Variants in CHURC1 observed in about 807,000 individuals in gnomAD.
The protein encoded by CHURC1 is protein Churchill.
In CHURC1, 12 loss-of-function variants were observed where a neutral mutation model predicts 15.4. That is an observed-to-expected ratio of 0.78 (90% CI 0.50 to 1.27). CHURC1 has a LOEUF of 1.27. CHURC1 is among the 50% of genes most tolerant of loss of function. CHURC1 has a pLI of 0.00. For synonymous variants in CHURC1, 42 were observed against 47.5 expected (o/e 0.88, Z 0.48); for missense variants, 132 against 137.8 (o/e 0.96, Z 0.21).
intron 1 of CHURC1, among the ~76,000 whole-genome samples, chr14:64,915,224 CTGGGATCAAGT>C (rs1426189386): frequency 6.6e-5 from 10 of 152,236 alleles, no homozygotes; most frequent in African/African-American, 1.9e-4. Context: ...TCTCAAATTC[CTGGGATCAAGT>C]GATCCTCCCG....
At chr14:64,930,140 C>T (rs1183185859) in intron 3 of CHURC1, among the ~76,000 whole-genome samples, 2 of 151,764 alleles carry the variant, frequency 1.3e-5, no homozygotes, top group Non-Finnish European at 2.9e-5. Flanking sequence ...AAGATCTGGT[C>T]TTACTCAGAG....
At chr14:64,930,689 A>G in intron 3 of CHURC1, 1 of 370,952 alleles carries the variant, frequency 2.7e-6, no homozygotes, top group Non-Finnish European at 5.2e-6. Context: ...GTAGGCACTC[A>G]GTATAAATTT....
At chr14:64,925,972 T>G in intron 2 of CHURC1, 38 bp from the exon 3 acceptor site, 1 of 1,467,942 alleles carries the variant, frequency 6.8e-7, no homozygotes. Context: ...AGAAACTCTC[T>G]AAGACTTAAT....
intron 3 of CHURC1, among the ~76,000 whole-genome samples, chr14:64,929,591 C>T (rs1157850374): frequency 6.6e-6 from 1 of 151,556 alleles, no homozygotes; most frequent in Non-Finnish European, 1.5e-5. Flanking sequence ...TATTAAACAT[C>T]TTATAGGAGA....
chr14:64,931,666 A>T (rs371213573), intron 3 of CHURC1, among the ~76,000 whole-genome samples: 1 of 152,240 alleles, frequency 6.6e-6, no homozygotes, highest in South Asian at 2.1e-4. Context: ...ACAACTAGCC[A>T]TCTGAAAATG....
At chr14:64,919,648 C>G (rs530005354) in intron 1 of CHURC1, among the ~76,000 whole-genome samples, 4 of 152,036 alleles carry the variant, frequency 2.6e-5, no homozygotes, top group Non-Finnish European at 4.4e-5. Flanking sequence ...CTTCGGAGGC[C>G]GAGGCTAGCA....
At chr14:64,924,219 A>G (rs1884522371) in intron 2 of CHURC1, 93 bp downstream of exon 2, 1 of 1,408,656 alleles carries the variant, frequency 7.1e-7, no homozygotes, top group Non-Finnish European at 9.4e-7. Flanking sequence ...GGCCTATTTC[A>G]ATATTGTATT....
chr14:64,933,890 T>G lies in CHURC1; in HGVS notation c.*1660T>G. The G allele has an allele frequency of 1.0e-6, 1 of 984,184 alleles. No homozygotes were observed. The highest frequency in any genetic ancestry group is 1.2e-6 in the Non-Finnish European group (1 of 828,778). The allele number at this position is 984,184 out of a possible 1,614,324, so 61.0% of individuals were successfully genotyped here. A position where few individuals can be genotyped will look rare whatever the true frequency, so the allele number is the denominator to read the frequency against. On this transcript the variant is annotated 3_prime_UTR_variant, in exon 4 of 4. Transcript: ENST00000549115. ...ATGCTAAGAGCTTTTTAAGCACTTA[T>G]TTAATCCTCATTAACAAATTCATAA...
chr14:64,932,252 A>G lies in CHURC1; in HGVS notation c.*22A>G, dbSNP rs1004769320. ...CTAAGGATCCTTCTACAGATCTGTT[A>G]TAACTATATTGTGTTGGTTTACAAT... On this transcript the variant is annotated 3_prime_UTR_variant, in exon 4 of 4. Coordinates refer to ENST00000549115, the MANE Select transcript of CHURC1 (RefSeq NM_001386928.1). 3.3e-5 allele frequency: 54 copies of G among 1,612,772 alleles called. No homozygotes were observed. The highest frequency in any genetic ancestry group is 4.5e-5 in the Non-Finnish European group (53 of 1,179,286).
chr14:64,922,147 G>A (rs1400400510), intron 1 of CHURC1, among the ~76,000 whole-genome samples: 1 of 152,124 alleles, frequency 6.6e-6, no homozygotes, highest in Admixed American at 6.5e-5. Context: ...TTTTGGGGTG[G>A]ATAGAAATGT....
At chr14:64,920,426 A>C (rs1884199161) in intron 1 of CHURC1, among the ~76,000 whole-genome samples, 1 of 152,166 alleles carries the variant, frequency 6.6e-6, no homozygotes, top group South Asian at 2.1e-4. Context: ...GCTTTAGTTT[A>C]CTTTCCCAAA....
At chr14:64,931,216 A>G (rs1020704749) in intron 3 of CHURC1, among the ~76,000 whole-genome samples, 4 of 152,224 alleles carry the variant, frequency 2.6e-5, no homozygotes, top group Non-Finnish European at 5.9e-5. Flanking sequence ...ACTGTTAAAT[A>G]TTCTAGAAAG....
intron 1 of CHURC1, among the ~76,000 whole-genome samples, 179 bp from the exon 2 acceptor site, chr14:64,923,812 A>G (rs1256896452): frequency 7.1e-6 from 1 of 140,486 alleles, no homozygotes; most frequent in Non-Finnish European, 1.5e-5. Context: ...TTTTTTTAAC[A>G]TGAGTAACAC....
Position 64,924,093 on chromosome 14 carries a change from G to C in CHURC1, c.142G>C (p.Glu48Gln), listed in dbSNP as rs1180327939. 1 of 1,609,024 alleles carries C rather than the reference G, an allele frequency of 6.2e-7. No homozygotes were observed. The highest frequency in any genetic ancestry group is 1.1e-5 in the South Asian group (1 of 90,076). The change falls in exon 2 of 4, where the codon GAA becomes CAA. Residue 48 changes from glutamate to glutamine, a missense_variant. Glu to Gln is a conservative substitution (Grantham distance 29). Coordinates refer to ENST00000549115, the MANE Select transcript of CHURC1 (RefSeq NM_001386928.1). ...GCTGATCACAAACAAATCCTTGAAA[G>C]AAGAAGATGGAGAAGAAATAGTTAC... ...FMLITNKSLKEEDGEEIVTYD... is the reference protein window; with the variant it reads ...FMLITNKSLKQEDGEEIVTYD...
chr14:64,922,905 T>G (rs1015622021), intron 1 of CHURC1, among the ~76,000 whole-genome samples: 1 of 152,200 alleles, frequency 6.6e-6, no homozygotes, highest in African/African-American at 2.4e-5. Context: ...TGGTGGATCT[T>G]AATTTCGCTG....
At chr14:64,927,725 C>CCCCCG (rs1159192986) in intron 3 of CHURC1, among the ~76,000 whole-genome samples, 5 of 109,370 alleles carry the variant, frequency 4.6e-5, no homozygotes, top group South Asian at 3.6e-4. Flanking sequence ...CACCCCCCCC[C>CCCCCG]CCGCCGTCAA....
At chr14:64,916,711 C>T (rs771767008) in intron 1 of CHURC1, among the ~76,000 whole-genome samples, 3 of 151,906 alleles carry the variant, frequency 2.0e-5, no homozygotes, top group East Asian at 1.9e-4. Flanking sequence ...CCGAGTAGCT[C>T]GGACTGCAGG....
At chr14:64,930,670 G>A in intron 3 of CHURC1, 1 of 350,168 alleles carries the variant, frequency 2.9e-6, no homozygotes. Context: ...CCAGCACATT[G>A]CAGAGCATGT....
intron 2 of CHURC1, chr14:64,924,423 T>TA (rs1226339015): frequency 5.2e-6 from 1 of 193,940 alleles, no homozygotes; most frequent in African/African-American, 2.3e-5. Flanking sequence ...CTTAACAAGA[T>TA]ATACTTTTTA....
Sources: gnomAD v4.1 joint callset for allele counts (sites outside exome capture counted in the v4.1 genomes callset) on GRCh38, gnomAD v4.1.1 for gene constraint, MANE v1.5 for transcripts, NCBI Gene and HGNC (gene_info 2026-07-23, HGNC 2026-07-21) for gene names.